The following USP34 variants were observed in gnomAD, a reference collection of about 807,000 sequenced individuals.
USP34 encodes the protein ubiquitin carboxyl-terminal hydrolase 34.
A neutral mutation model predicts 460.3 loss-of-function variants in USP34; 70 were observed. The observed-to-expected ratio is 0.15, with a 90% CI of 0.13 to 0.19. USP34 has a LOEUF of 0.19. USP34 is among the 10% of genes least tolerant of loss of function. USP34 has a pLI of 1.00. For synonymous variants in USP34, 1,647 were observed against 1,405.3 expected (o/e 1.17, Z -3.85); for missense variants, 3,985 against 4,236.2 (o/e 0.94, Z 1.65).
intron 6 of USP34, among the ~76,000 whole-genome samples, chr2:61,380,705 T>C (rs940177189): frequency 2.6e-5 from 4 of 152,214 alleles, no homozygotes; most frequent in African/African-American, 9.6e-5. Flanking sequence ...GCCATGTAAC[T>C]TGCTTTGGCC....
intron 78 of USP34, 147 bp downstream of exon 78, chr2:61,190,124 T>G: frequency 1.9e-6 from 2 of 1,030,006 alleles, no homozygotes; most frequent in Non-Finnish European, 2.8e-6. Context: ...ATAGTAAACG[T>G]GTATTTAAAA....
In USP34 at chr2:61,319,070, TA is replaced by T. The variant is rs3836125; in HGVS notation, c.3168+102del. 2.2e-5 allele frequency: 27 copies of T among 1,205,130 alleles called. No homozygotes were observed. In the East Asian group the frequency reaches 7.7e-4, roughly 34 times the overall value. 74.7% of individuals were successfully genotyped at this position (1,205,130 alleles called of 1,614,324 possible). On this transcript the variant is annotated intron_variant, in intron 22 of 79. Transcript: ENST00000398571. ...CTAAAATTCATTACATTTGGCTACT[TA>T]AAAAAACTGTCAAAAAAAAAAAGGC...
chr2:61,215,269 A>G (rs1187465885), intron 67 of USP34, among the ~76,000 whole-genome samples: 2 of 152,218 alleles, frequency 1.3e-5, no homozygotes, highest in Non-Finnish European at 2.9e-5. Context: ...AAAGTCTTCT[A>G]AGGCTAACCT....
intron 5 of USP34, among the ~76,000 whole-genome samples, chr2:61,392,084 A>G (rs1377542511): frequency 6.6e-6 from 1 of 152,216 alleles, no homozygotes; most frequent in Non-Finnish European, 1.5e-5. Flanking sequence ...GAAGAGAAAG[A>G]TAAAACAGAA....
chr2:61,417,090 C>A, intron 2 of USP34: 2 of 1,439,340 alleles, frequency 1.4e-6, no homozygotes, highest in East Asian at 2.3e-5. Context: ...CAATCACATG[C>A]GCCTTGTTCT....
At chr2:61,314,779 T>A in intron 24 of USP34, 35 bp from the exon 25 acceptor site, 1 of 1,579,286 alleles carries the variant, frequency 6.3e-7, no homozygotes, top group East Asian at 2.2e-5. Flanking sequence ...TATATTAGCC[T>A]TATATTCTTG....
chr2:61,464,954 GC>G (rs1695718685), intron 1 of USP34, among the ~76,000 whole-genome samples: 1 of 151,950 alleles, frequency 6.6e-6, no homozygotes, highest in Admixed American at 6.6e-5. Context: ...AACAGAACAA[GC>G]AGAGGAACAG....
intron 1 of USP34, among the ~76,000 whole-genome samples, chr2:61,437,503 G>A (rs949448982): frequency 4.6e-5 from 7 of 152,092 alleles, no homozygotes; most frequent in African/African-American, 1.4e-4. Flanking sequence ...GCCAGGCACG[G>A]TGGCTCATGC....
chr2:61,292,272 C>T (rs554641472), intron 33 of USP34, among the ~76,000 whole-genome samples: 3,574 of 152,068 alleles, frequency 0.024, 57 homozygotes, highest in Middle Eastern at 0.054. Context: ...AAGAACAATC[C>T]TGAACTTAGA....
intron 2 of USP34, chr2:61,416,847 T>C: frequency 2.3e-6 from 1 of 433,466 alleles, no homozygotes; most frequent in Non-Finnish European, 4.0e-6. Flanking sequence ...AAGTAGAATG[T>C]ATTGGTATTA....
Position 61,325,367 on chromosome 2 carries a change from A to G in USP34, c.3013+8T>C, listed in dbSNP as rs1169546568. On this transcript the variant is annotated splice_region_variant and intron_variant, in intron 21 of 79. Coordinates refer to ENST00000398571, the MANE Select transcript of USP34 (RefSeq NM_014709.4). The stretch of plus-strand genomic sequence containing the variant: ...AGATTTTTAAAAAGTACTGATTAAA[A>G]AACTTACTGAAATGATCAGGTGATC... 1 of 1,535,490 alleles carries G rather than the reference A, an allele frequency of 6.5e-7. No individual in the cohort carries two copies. The highest frequency in any genetic ancestry group is 1.3e-5 in the South Asian group (1 of 79,066).
chr2:61,404,693 G>A (rs770912850), intron 3 of USP34, among the ~76,000 whole-genome samples: 1 of 152,120 alleles, frequency 6.6e-6, no homozygotes, highest in Non-Finnish European at 1.5e-5. Flanking sequence ...AGTTCTCAAA[G>A]TAAATTCACC....
chr2:61,463,777 T>G (rs1695678006), intron 1 of USP34, among the ~76,000 whole-genome samples: 1 of 150,258 alleles, frequency 6.7e-6, no homozygotes, highest in African/African-American at 2.5e-5. Context: ...GAGGTTGCAA[T>G]GAGCCGAGAT....
At chr2:61,322,736 C>A (rs1572934062) in intron 21 of USP34, among the ~76,000 whole-genome samples, 1 of 152,220 alleles carries the variant, frequency 6.6e-6, no homozygotes, top group South Asian at 2.1e-4. Flanking sequence ...CAGTTTCTCA[C>A]TGAAACAGTT....
At chr2:61,460,980 C>CAAAAAAAAAAAAA (rs1168262727) in intron 1 of USP34, among the ~76,000 whole-genome samples, 1 of 81,134 alleles carries the variant, frequency 1.2e-5, no homozygotes. Flanking sequence ...GACTCCATCT[C>CAAAAAAAAAAAAA]AAAAAAAAAA....
chr2:61,370,465 T>C (rs771680908), intron 9 of USP34, 33 bp downstream of exon 9: 3 of 1,610,840 alleles, frequency 1.9e-6, no homozygotes, highest in Admixed American at 1.7e-5. Flanking sequence ...TCTCTATCAA[T>C]AGAACAGAGA....
At chr2:61,441,216 T>G (rs1330313417) in intron 1 of USP34, among the ~76,000 whole-genome samples, 1 of 151,400 alleles carries the variant, frequency 6.6e-6, no homozygotes, top group Non-Finnish European at 1.5e-5. Context: ...TAGCTCACTG[T>G]AGCCTCAAAC....
Position 61,278,255 on chromosome 2 carries a change from A to G in USP34, c.5343T>C (p.Asn1781=), listed in dbSNP as rs1689431887. ...SREILDHQDG[N]VEDDGLTGLL... ...GTCCTGTAAGCCCATCATCTTCTAC[A>G]TTACCATCCTGATGATCAAGGATCT... Residue 1781 remains asparagine (N), a synonymous_variant, in exon 41 of 80, where the codon AAT becomes AAC. Coordinates refer to ENST00000398571, the MANE Select transcript of USP34 (RefSeq NM_014709.4). 3.1e-6 allele frequency: 5 copies of G among 1,613,648 alleles called. No homozygotes were observed. The highest frequency in any genetic ancestry group is 2.2e-5 in the East Asian group (1 of 44,882).
intron 75 of USP34, among the ~76,000 whole-genome samples, chr2:61,197,814 C>T (rs1686853017): frequency 6.6e-6 from 1 of 152,186 alleles, no homozygotes; most frequent in Non-Finnish European, 1.5e-5. Context: ...GGCTGGAGTG[C>T]AGTGGCTCCA....
Sources: gnomAD v4.1 joint callset for allele counts (sites outside exome capture counted in the v4.1 genomes callset) on GRCh38, gnomAD v4.1.1 for gene constraint, MANE v1.5 for transcripts, NCBI Gene and HGNC (gene_info 2026-07-23, HGNC 2026-07-21) for gene names.